TSC22D4: variants seen among roughly 807,000 people sequenced by gnomAD.
TSC22D4 encodes the protein TSC22 domain family member 4.
A neutral mutation model predicts 24.9 loss-of-function variants in TSC22D4; 5 were observed. That is an observed-to-expected ratio of 0.20 (90% CI 0.10 to 0.42). The LOEUF (loss-of-function observed/expected upper bound fraction) is 0.42, where lower values mean the gene tolerates loss of function less well. TSC22D4 is among the 10% of genes least tolerant of loss of function. The probability of loss-of-function intolerance (pLI) is 1.00; values close to 1 mark genes in which losing one functional copy is unlikely to be tolerated. For synonymous variants in TSC22D4, 245 were observed against 243.2 expected (o/e 1.01, Z -0.07); for missense variants, 469 against 547.9 (o/e 0.86, Z 1.44).
intron 3 of TSC22D4, among the ~76,000 whole-genome samples, chr7:100,469,501 C>A (rs991881082): frequency 6.6e-6 from 1 of 152,142 alleles, no homozygotes; most frequent in Non-Finnish European, 1.5e-5. Context: ...GGTCCCAGAA[C>A]CTGGCTCTCC....
rs1584350585 is a variant in TSC22D4 at position 100,474,102 on chromosome 7, G to C, written c.929+172C>G. ...CAGCCCTCTCCACAGAGAGGGAGTG[G>C]GTCCGAAATCAACTGTGTGCAGTGG... On this transcript the variant is annotated intron_variant, in intron 3 of 4. Coordinates refer to ENST00000300181, the MANE Select transcript of TSC22D4 (RefSeq NM_030935.5). The surrounding 1 kb of genome is among the most constrained non-coding windows in gnomAD (Gnocchi z 4.3). 1.3e-6 allele frequency: 1 copy of C among 762,734 alleles called. No homozygotes were observed. The highest frequency in any genetic ancestry group is 2.1e-6 in the Non-Finnish European group (1 of 485,066). The allele number at this position is 762,734 out of a possible 1,614,324, so 47.2% of individuals were successfully genotyped here. A position where few individuals can be genotyped will look rare whatever the true frequency, so the allele number is the denominator to read the frequency against.
In TSC22D4 at chr7:100,472,048, G is replaced by A. The variant is rs576556108; in HGVS notation, c.929+2226C>T. Among the ~76,000 whole-genome samples the A allele has an allele frequency of 3.3e-4, 50 of 151,782 alleles. 1 individual carries two copies. The highest frequency in any genetic ancestry group is 5.3e-4 in the Non-Finnish European group (36 of 67,964). On this transcript the variant is annotated intron_variant, in intron 3 of 4. Transcript: ENST00000300181. ...ACAAGGATTTCCAGCCCTGGGGCAC[G>A]TGAGCATTCTAGATTCACCTGCACC...
rs1177627205 is a variant in TSC22D4, at chr7:100,466,675, C to T, written c.*284G>A. ...GGTGGGGTGTCTGCCGGGGAGCCTC[C>T]GACTCCCCCAAGCCGTCTACTGCTG... On this transcript the variant is annotated 3_prime_UTR_variant, in exon 5 of 5. Transcript: ENST00000300181. 1.5e-5 allele frequency: 7 copies of T among 456,272 alleles called. No individual in the cohort carries two copies. The highest frequency in any genetic ancestry group is 3.8e-5 in the South Asian group (1 of 26,336). The allele number at this position is 456,272 out of a possible 1,614,324, so 28.3% of individuals were successfully genotyped here. A position where few individuals can be genotyped will look rare whatever the true frequency, so the allele number is the denominator to read the frequency against.
rs1488142217 is a variant in TSC22D4, at chr7:100,466,687, GC to G, written c.*271del. On this transcript the variant is annotated 3_prime_UTR_variant, in exon 5 of 5. Transcript: ENST00000300181. Reference sequence around the variant, plus strand: ...GCCGGGGAGCCTCCGACTCCCCCAAGCCGTCTACTGCTGGGGGGTCCCAGGA... The same window carrying G: ...GCCGGGGAGCCTCCGACTCCCCCAAGCGTCTACTGCTGGGGGGTCCCAGGA... 2 of 489,498 alleles carry G rather than the reference GC, an allele frequency of 4.1e-6. No individual in the cohort carries two copies. The highest frequency in any genetic ancestry group is 7.2e-6 in the Non-Finnish European group (2 of 276,234). 30.3% of individuals were successfully genotyped at this position (489,498 alleles called of 1,614,324 possible).
rs961909970 is a variant in TSC22D4, at chr7:100,467,492, G to C, written c.978+60C>G. 1.9e-6 allele frequency: 3 copies of C among 1,555,252 alleles called. No homozygotes were observed. The African/African-American group carries it at 4.1e-5, about 21-fold the overall frequency. On this transcript the variant is annotated intron_variant, in intron 4 of 4. Coordinates refer to ENST00000300181, the MANE Select transcript of TSC22D4 (RefSeq NM_030935.5). ...CCCTGGTAAGGAAGAGGACAGGGCT[G>C]GGGCAGAGGGATGGCTTAAGGGGGC...
chr7:100,469,539 G>T (rs1799355859), intron 3 of TSC22D4, among the ~76,000 whole-genome samples: 2 of 152,060 alleles, frequency 1.3e-5, no homozygotes, highest in African/African-American at 4.8e-5. Flanking sequence ...GGCCCCACCT[G>T]CGCAGGCCCT....
chr7:100,477,334 C>T lies in TSC22D4; in HGVS notation c.705G>A (p.Arg235=). ...SGARTPPLSR[R]KAVDMRLRME... ...TCCGCAGCCGCATGTCTACAGCTTT[C>T]CTCCGGGACAGTGGAGGGGTCCTGG... The change falls in exon 2 of 5, where the codon AGG becomes AGA. Residue 235 remains arginine, a synonymous_variant. Transcript: ENST00000300181. This position sits in a 1 kb window ranked among gnomAD's most constrained non-coding sequence, Gnocchi z 7.8. 6.5e-7 allele frequency: 1 copy of T among 1,545,232 alleles called. No homozygotes were observed. The highest frequency in any genetic ancestry group is 2.3e-5 in the East Asian group (1 of 44,260).
intron 3 of TSC22D4, among the ~76,000 whole-genome samples, chr7:100,469,008 C>T (rs562412870): frequency 1.5e-4 from 22 of 150,134 alleles, no homozygotes; most frequent in Non-Finnish European, 2.8e-4. Context: ...AGTGGATCAC[C>T]TGAGGTCAGA....
In TSC22D4 at chr7:100,474,155, G is replaced by T; in HGVS notation, c.929+119C>A. On this transcript the variant is annotated intron_variant, in intron 3 of 4. Transcript: ENST00000300181. This position sits in a 1 kb window ranked among gnomAD's most constrained non-coding sequence, Gnocchi z 4.3. ...ATGCCCAGGCCAGGTTTCTCTAAGA[G>T]GTCCTCTCCAAGTTCAACCTGGGGG... 1 of 1,352,932 alleles carries T rather than the reference G, an allele frequency of 7.4e-7. No individual in the cohort carries two copies. The highest frequency in any genetic ancestry group is 1.0e-6 in the Non-Finnish European group (1 of 980,626). 83.8% of individuals were successfully genotyped at this position (1,352,932 alleles called of 1,614,324 possible). A position where few individuals can be genotyped will look rare whatever the true frequency, so the allele number is the denominator to read the frequency against.
Position 100,477,877 on chromosome 7 carries a change from G to GC in TSC22D4, c.161dup (p.Lys55GlnfsTer43), listed in dbSNP as rs1229474955. 1.3e-6 allele frequency: 2 copies of GC among 1,581,788 alleles called. No individual in the cohort carries two copies. The highest frequency in any genetic ancestry group is 1.3e-5 in the African/African-American group (1 of 74,354). ...GGGAGCCATTCCGGGGGGTGCCCTTGCCCCCCGGATCGGGGCTGGGCTCCC... is the reference window on the plus strand; with the variant it reads ...GGGAGCCATTCCGGGGGGTGCCCTTGCCCCCCCGGATCGGGGCTGGGCTCCC... On this transcript the variant is annotated frameshift_variant, in exon 2 of 5. Coordinates refer to ENST00000300181, the MANE Select transcript of TSC22D4 (RefSeq NM_030935.5). LOFTEE classifies it high-confidence loss of function. The surrounding 1 kb of genome is among the most constrained non-coding windows in gnomAD (Gnocchi z 7.8).
Position 100,474,245 on chromosome 7 carries a change from C to T in TSC22D4, c.929+29G>A, listed in dbSNP as rs202028366. The T allele has an allele frequency of 7.5e-6, 12 of 1,608,378 alleles. No homozygotes were observed. The highest frequency in any genetic ancestry group is 6.7e-5 in the East Asian group (3 of 44,708). On this transcript the variant is annotated intron_variant, in intron 3 of 4. Coordinates refer to ENST00000300181, the MANE Select transcript of TSC22D4 (RefSeq NM_030935.5). This position sits in a 1 kb window ranked among gnomAD's most constrained non-coding sequence, Gnocchi z 4.3. ...TGCTGGGCGGGGAACCTGAACCCCA[C>T]GCCCCACCACCCCACGAAGCCCACC... is the stretch of plus-strand genomic sequence containing the variant.
Position 100,477,680 on chromosome 7 carries a change from C to A in TSC22D4, c.359G>T (p.Gly120Val). Residue 120 changes from glycine (G) to valine (V), a missense_variant, in exon 2 of 5, where the codon GGG (glycine) becomes GTG (valine). Gly to Val is a moderately radical substitution (Grantham distance 109). Transcript: ENST00000300181. The surrounding 1 kb of genome is among the most constrained non-coding windows in gnomAD (Gnocchi z 7.8). ...CAACCTGGAATCCAAAGATCTGCCC[C>A]CGGCGCCCCCTGAGGCCCCTCGAAT... Reference protein sequence around the residue: ...EGIRGASGGAGGRSLDSRLEL... With the variant: ...EGIRGASGGAVGRSLDSRLEL... 1 of 1,592,352 alleles carries A rather than the reference C, an allele frequency of 6.3e-7. No individual in the cohort carries two copies. Among genetic ancestry groups the A allele is most frequent in the East Asian group, 2.2e-5 (1 of 44,494 alleles).
intron 1 of TSC22D4, 82 bp downstream of exon 1, chr7:100,478,712 C>T (rs1799564631): frequency 6.6e-6 from 1 of 152,462 alleles, no homozygotes; most frequent in Admixed American, 6.5e-5. Context: ...CCTCGAGCCC[C>T]CACCCTCACC....
intron 3 of TSC22D4, among the ~76,000 whole-genome samples, chr7:100,472,237 G>A (rs755812054): frequency 5.3e-5 from 8 of 152,162 alleles, no homozygotes; most frequent in Non-Finnish European, 7.4e-5. Context: ...CAGGAGAGGT[G>A]GGGCCTACAT....
At position 100,477,192 on chromosome 7, in the gene TSC22D4, GGA is replaced by G. The variant is rs376555320; in HGVS notation, c.762+83_762+84del. The stretch of plus-strand genomic sequence containing the variant: ...CTTATAAAGTGATGGAGAAGGAGGA[GGA>G]GAGGGGGGGGAGGAGGAGGAAGGAG... On this transcript the variant is annotated intron_variant, in intron 2 of 4. Transcript: ENST00000300181. The surrounding 1 kb of genome is among the most constrained non-coding windows in gnomAD (Gnocchi z 7.8). The G allele has an allele frequency of 1.1e-5, 12 of 1,057,448 alleles. No individual in the cohort carries two copies. Among genetic ancestry groups the G allele is most frequent in the Non-Finnish European group, 1.4e-5 (11 of 796,288 alleles). The allele number at this position is 1,057,448 out of a possible 1,614,324, so 65.5% of individuals were successfully genotyped here. A position where few individuals can be genotyped will look rare whatever the true frequency, so the allele number is the denominator to read the frequency against.
At chr7:100,468,079 G>C (rs912956804) in intron 3 of TSC22D4, 2 of 395,272 alleles carry the variant, frequency 5.1e-6, no homozygotes, top group African/African-American at 4.3e-5. Flanking sequence ...ACAGTGCCTC[G>C]GGGGTGCTGG....
chr7:100,477,228 T>C lies in TSC22D4; in HGVS notation c.762+49A>G, dbSNP rs747555197. On this transcript the variant is annotated intron_variant, in intron 2 of 4. Coordinates refer to ENST00000300181, the MANE Select transcript of TSC22D4 (RefSeq NM_030935.5). This position sits in a 1 kb window ranked among gnomAD's most constrained non-coding sequence, Gnocchi z 7.8. ...GGAGGAGGAGGAAGGAGGCTCAAGA[T>C]AGAGGTTAGGCCAGGGCTGATGGGC... The C allele has an allele frequency of 7.4e-7, 1 of 1,349,974 alleles. No individual in the cohort carries two copies. Among genetic ancestry groups the C allele is most frequent in the Non-Finnish European group, 9.7e-7 (1 of 1,033,768 alleles). 83.6% of individuals were successfully genotyped at this position (1,349,974 alleles called of 1,614,324 possible).
rs200486980 is a variant in TSC22D4, at chr7:100,477,568, G to A, written c.471C>T (p.Thr157=). 13 of 1,581,530 alleles carry A rather than the reference G, an allele frequency of 8.2e-6. No individual in the cohort carries two copies. Among genetic ancestry groups the A allele is most frequent in the Non-Finnish European group, 9.4e-6 (11 of 1,164,696 alleles). The change falls in exon 2 of 5, where the codon ACC becomes ACT. Residue 157 remains threonine (T), a synonymous_variant. Coordinates refer to ENST00000300181, the MANE Select transcript of TSC22D4 (RefSeq NM_030935.5). This position sits in a 1 kb window ranked among gnomAD's most constrained non-coding sequence, Gnocchi z 7.8. The part of the protein sequence containing the change: ...GPTSWLRPPP[T]SPGPQARSFT... The stretch of plus-strand genomic sequence containing the variant: ...AGGAGCGGGCCTGAGGTCCAGGAGA[G>A]GTGGGGGGTGGACGGAGCCAGGAGG...
intron 3 of TSC22D4, among the ~76,000 whole-genome samples, chr7:100,468,304 C>A (rs917148144): frequency 6.6e-6 from 1 of 151,822 alleles, no homozygotes; most frequent in African/African-American, 2.4e-5. Context: ...AGGGGAGGGG[C>A]GTGGGGCAGA....
Sources: allele counts gnomAD v4.1 joint callset (sites outside exome capture counted in the v4.1 genomes callset), GRCh38; gene constraint gnomAD v4.1.1; non-coding constraint Gnocchi (gnomAD v3.1); transcripts MANE v1.5; gene names NCBI Gene and HGNC (gene_info 2026-07-23, HGNC 2026-07-21).